YBX3: variants seen among roughly 807,000 people sequenced by gnomAD.
YBX3 encodes the protein Y-box-binding protein 3.
In YBX3, 29 loss-of-function variants were observed where a neutral mutation model predicts 42.4. The ratio of observed to expected loss-of-function variants is 0.68; its 90% CI spans 0.51 to 0.93. The LOEUF is 0.93. Ranked by LOEUF, YBX3 falls within the 40% of genes least tolerant of loss-of-function variation. The probability of loss-of-function intolerance (pLI) is 0.00; values close to 1 mark genes in which losing one functional copy is unlikely to be tolerated. For missense variants in YBX3, 517 were observed against 527.5 expected (o/e 0.98, Z 0.19); for synonymous variants, 195 against 189.8 (o/e 1.03, Z -0.22).
In YBX3 at chr12:10,723,242, C is replaced by T; in HGVS notation, c.-131G>A. The T allele has an allele frequency of 6.9e-6, 8 of 1,163,636 alleles. No homozygotes were observed. The highest frequency in any genetic ancestry group is 8.5e-6 in the Non-Finnish European group (8 of 943,092). The allele number at this position is 1,163,636 out of a possible 1,614,324, so 72.1% of individuals were successfully genotyped here. On this transcript the variant is annotated 5_prime_UTR_variant, in exon 1 of 10. Coordinates refer to ENST00000228251, the MANE Select transcript of YBX3 (RefSeq NM_003651.5). ...GCGGATCTCGCGGCGCAGGCGGCGG[C>T]GGCCGAGGTGGGGTCGCGCGGCGGA...
intron 1 of YBX3, chr12:10,722,284 C>A: frequency 6.6e-6 from 1 of 152,422 alleles, no homozygotes; most frequent in Non-Finnish European, 1.5e-5. Flanking sequence ...GCGTCTTTCC[C>A]ATGCCCATGT....
intron 5 of YBX3, chr12:10,711,775 C>T (rs1455332209): frequency 1.3e-5 from 2 of 152,116 alleles, no homozygotes; most frequent in South Asian, 2.1e-4. Flanking sequence ...AATTTTGTTT[C>T]TAAATATCTT....
In YBX3 at chr12:10,702,107, G is replaced by A. The variant is rs1403760237; in HGVS notation, c.906C>T (p.Ala302=). 3.1e-6 allele frequency: 5 copies of A among 1,613,996 alleles called. No homozygotes were observed. The highest frequency in any genetic ancestry group is 1.6e-4 in the Middle Eastern group (1 of 6,082). ...RSRGPPRPRP[A]PAVGEAEDKE... is the part of the protein sequence containing the mutation. ...TATCTTCAGCCTCTCCAACTGCTGG[G>A]GCAGGTCGTGGGCGAGGAGGTCCCC... Residue 302 remains alanine (A), a synonymous_variant, in exon 8 of 10, where the codon GCC becomes GCT. Coordinates refer to ENST00000228251, the MANE Select transcript of YBX3 (RefSeq NM_003651.5).
intron 6 of YBX3, among the ~76,000 whole-genome samples, chr12:10,706,388 A>G (rs1258324803): frequency 1.3e-5 from 2 of 152,220 alleles, no homozygotes; most frequent in Admixed American, 6.5e-5. Flanking sequence ...AGAAACCTCA[A>G]TGGGGAATAT....
Position 10,718,140 on chromosome 12 carries a change from C to T in YBX3, c.327-19G>A. The T allele has an allele frequency of 6.2e-7, 1 of 1,611,252 alleles. No individual in the cohort carries two copies. The highest frequency in any genetic ancestry group is 8.5e-7 in the Non-Finnish European group (1 of 1,178,668). On this transcript the variant is annotated intron_variant, in intron 2 of 9. Coordinates refer to ENST00000228251, the MANE Select transcript of YBX3 (RefSeq NM_003651.5). ...GTCATTTCTGTTGAAAGACAAAAAG[C>T]TCACAATTAAAGGTAGTACGTATGT...
chr12:10,701,388 G>A (rs1007317843), intron 8 of YBX3, 35 bp from the exon 9 acceptor site: 1 of 780,104 alleles, frequency 1.3e-6, no homozygotes, highest in African/African-American at 1.7e-5. Flanking sequence ...ATCAGATAAA[G>A]TCAGATGACA....
chr12:10,710,145 G>T, intron 5 of YBX3, 31 bp from the exon 6 acceptor site: 1 of 1,603,834 alleles, frequency 6.2e-7, no homozygotes, highest in Non-Finnish European at 8.5e-7. Context: ...AGATTCAGAA[G>T]AAGTTTTAGC....
chr12:10,721,687 T>G lies in YBX3; in HGVS notation c.262+1163A>C, dbSNP rs572346191. The stretch of plus-strand genomic sequence containing the variant: ...TCAAGGTGGGGAATATTGAATACAC[T>G]TCTCTCACATTGCTCCCTCAACTTT... On this transcript the variant is annotated intron_variant, in intron 1 of 9. Transcript: ENST00000228251. Among the ~76,000 whole-genome samples, 4 of 152,064 alleles carry G rather than the reference T, an allele frequency of 2.6e-5. No individual in the cohort carries two copies. The South Asian group carries it at 6.2e-4, about 24-fold the overall frequency.
intron 4 of YBX3, among the ~76,000 whole-genome samples, 174 bp from the exon 5 acceptor site, chr12:10,713,507 T>C (rs1364946938): frequency 6.6e-6 from 1 of 152,238 alleles, no homozygotes; most frequent in Admixed American, 6.5e-5. Flanking sequence ...CACATCCTGA[T>C]TTAAACATAT....
intron 5 of YBX3, chr12:10,711,619 C>G (rs531254614): frequency 1.3e-5 from 2 of 152,268 alleles, no homozygotes; most frequent in East Asian, 3.9e-4. Flanking sequence ...AAGAGTTTTA[C>G]AAAGCATAAT....
chr12:10,700,152 G>C (rs1948063025), intron 9 of YBX3, among the ~76,000 whole-genome samples: 1 of 152,088 alleles, frequency 6.6e-6, no homozygotes, highest in Non-Finnish European at 1.5e-5. Context: ...CTAATTCCAA[G>C]TTTGAATAGG....
At chr12:10,717,671 A>G (rs768046546) in intron 3 of YBX3, 1 of 154,224 alleles carries the variant, frequency 6.5e-6, no homozygotes, top group Non-Finnish European at 1.4e-5. Context: ...ATTTACTTCA[A>G]TTGAGAGCTG....
intron 6 of YBX3, among the ~76,000 whole-genome samples, chr12:10,706,534 A>C (rs750165476): frequency 6.6e-6 from 1 of 152,216 alleles, no homozygotes; most frequent in Non-Finnish European, 1.5e-5. Flanking sequence ...ACAAGCATTT[A>C]ACACATTTCT....
intron 8 of YBX3, 105 bp downstream of exon 8, chr12:10,701,855 T>C: frequency 7.5e-7 from 1 of 1,325,090 alleles, no homozygotes; most frequent in Non-Finnish European, 1.0e-6. Context: ...TGTTTTTATA[T>C]TTGTTAAGTG....
intron 6 of YBX3, among the ~76,000 whole-genome samples, chr12:10,708,811 G>A (rs1405363387): frequency 1.3e-5 from 2 of 152,298 alleles, no homozygotes; most frequent in African/African-American, 4.8e-5. Context: ...ATATGAAAAA[G>A]AATCATCATG....
intron 5 of YBX3, chr12:10,712,561 T>TAC (rs762810902): frequency 6.6e-6 from 1 of 152,252 alleles, no homozygotes; most frequent in Non-Finnish European, 1.5e-5. Flanking sequence ...CTGTGGCCTG[T>TAC]ACTTTTATTG....
chr12:10,699,800 G>A (rs1237318478), intron 9 of YBX3, 146 bp from the exon 10 acceptor site: 1 of 152,458 alleles, frequency 6.6e-6, no homozygotes, highest in African/African-American at 2.4e-5. Context: ...GTATAGATCT[G>A]TAAGCTATAT....
At chr12:10,701,911 C>A in intron 8 of YBX3, 49 bp downstream of exon 8, 3 of 1,553,692 alleles carry the variant, frequency 1.9e-6, no homozygotes, top group Non-Finnish European at 2.6e-6. Context: ...TAAAGTCTGA[C>A]ATGATTAAAG....
intron 8 of YBX3, 37 bp downstream of exon 8, chr12:10,701,923 C>T: frequency 1.3e-6 from 2 of 1,579,732 alleles, no homozygotes; most frequent in Non-Finnish European, 1.7e-6. Flanking sequence ...TGATTAAAGA[C>T]TATCTGGCAA....
Sources: gnomAD v4.1 joint callset for allele counts (sites outside exome capture counted in the v4.1 genomes callset) on GRCh38, gnomAD v4.1.1 for gene constraint, MANE v1.5 for transcripts, NCBI Gene and HGNC (gene_info 2026-07-23, HGNC 2026-07-21) for gene names.